SEPTIN14: variants seen among roughly 807,000 people sequenced by gnomAD.
SEPTIN14 encodes septin-14.
In SEPTIN14, 40 loss-of-function variants were observed where a neutral mutation model predicts 53.6. The observed-to-expected ratio is 0.75, with a 90% CI of 0.58 to 0.97. SEPTIN14 has a LOEUF of 0.97. Among genes scored for constraint, SEPTIN14 ranks in the 50% least tolerant of loss-of-function variants. SEPTIN14 has a pLI of 0.00. For synonymous variants in SEPTIN14, 138 were observed against 166.8 expected (o/e 0.83, Z 1.33); for missense variants, 471 against 508.2 (o/e 0.93, Z 0.70).
At position 55,802,257 on chromosome 7, in the gene SEPTIN14, G is replaced by A. The variant is rs1366334117; in HGVS notation, c.1119+3001C>T. On this transcript the variant is annotated intron_variant, in intron 9 of 9. Transcript: ENST00000388975. ...TGACCTGACGTGATCTGCCTGCCTC[G>A]GCCTCCCAGAGTGCTGGGATTACAG... Among the ~76,000 whole-genome samples the A allele has an allele frequency of 8.6e-5, 13 of 151,998 alleles. 1 individual carries two copies. The highest frequency in any genetic ancestry group is 4.8e-5 in the African/African-American group (2 of 41,392).
At chr7:55,827,369 C>T (rs1789007228) in intron 6 of SEPTIN14, among the ~76,000 whole-genome samples, 1 of 152,272 alleles carries the variant, frequency 6.6e-6, no homozygotes, top group East Asian at 1.9e-4. Flanking sequence ...TGTGAAGAGC[C>T]ACAAGACAGG....
At chr7:55,834,368 G>T in intron 6 of SEPTIN14, 57 bp downstream of exon 6, 1 of 1,326,344 alleles carries the variant, frequency 7.5e-7, no homozygotes, top group Non-Finnish European at 1.0e-6. Flanking sequence ...TCTCACACTG[G>T]ATTCTGGATA....
intron 2 of SEPTIN14, among the ~76,000 whole-genome samples, chr7:55,850,609 C>T (rs755839962): frequency 1.3e-5 from 2 of 152,086 alleles, no homozygotes; most frequent in Non-Finnish European, 2.9e-5. Flanking sequence ...AGTAAGTGTG[C>T]AAATAAATTT....
intron 6 of SEPTIN14, among the ~76,000 whole-genome samples, chr7:55,832,328 C>A (rs1328813945): frequency 6.6e-6 from 1 of 151,908 alleles, no homozygotes; most frequent in African/African-American, 2.4e-5. Context: ...ACCATAACAA[C>A]CTCTATGAAA....
chr7:55,811,216 G>T (rs969305130), intron 7 of SEPTIN14: 3 of 525,236 alleles, frequency 5.7e-6, no homozygotes, highest in Non-Finnish European at 1.2e-5. Flanking sequence ...TCATCTTTGC[G>T]CAGTGCCTTG....
chr7:55,825,242 CA>C (rs1202799409), intron 6 of SEPTIN14, among the ~76,000 whole-genome samples: 9 of 152,010 alleles, frequency 5.9e-5, no homozygotes, highest in African/African-American at 1.7e-4. Context: ...GAAGCCAATC[CA>C]AAAGTTCTAC....
chr7:55,860,689 A>G (rs1789728757), intron 2 of SEPTIN14, among the ~76,000 whole-genome samples: 1 of 152,172 alleles, frequency 6.6e-6, no homozygotes, highest in South Asian at 2.1e-4. Context: ...AATTTTTTAA[A>G]AAACAGAGGG....
chr7:55,806,754 C>T lies in SEPTIN14; in HGVS notation c.986+336G>A, dbSNP rs186476355. 2.4e-3 allele frequency among the ~76,000 whole-genome samples: 358 copies of T among 152,246 alleles called. 2 individuals carry two copies. Among genetic ancestry groups the T allele is most frequent in the Non-Finnish European group, 3.8e-3 (259 of 68,028 alleles). On this transcript the variant is annotated intron_variant, in intron 8 of 9. Coordinates refer to ENST00000388975, the MANE Select transcript of SEPTIN14 (RefSeq NM_207366.3). The stretch of plus-strand genomic sequence containing the variant: ...CTGGGATTACAGGCATGAGCCACAG[C>T]GCCCGGCCTATCCTTTCTTTCACAT...
intron 7 of SEPTIN14, among the ~76,000 whole-genome samples, chr7:55,816,113 A>G (rs755640933): frequency 6.6e-6 from 1 of 152,226 alleles, no homozygotes; most frequent in South Asian, 2.1e-4. Context: ...GACAAACTTC[A>G]CATATTCTCA....
At chr7:55,819,072 T>C in intron 7 of SEPTIN14, 55 bp downstream of exon 7, 1 of 947,736 alleles carries the variant, frequency 1.1e-6, no homozygotes, top group South Asian at 1.4e-5. Flanking sequence ...AGACTATGAG[T>C]GATACACATA....
chr7:55,857,649 A>G (rs1480353005), intron 2 of SEPTIN14, among the ~76,000 whole-genome samples: 1 of 119,546 alleles, frequency 8.4e-6, no homozygotes, highest in Non-Finnish European at 1.6e-5. Context: ...GTGCAGTGGC[A>G]CGATCTCGGC....
At chr7:55,835,799 A>G (rs1789195478) in intron 5 of SEPTIN14, among the ~76,000 whole-genome samples, 1 of 151,918 alleles carries the variant, frequency 6.6e-6, no homozygotes, top group Non-Finnish European at 1.5e-5. Context: ...CTGGAGTGCA[A>G]TGGCGCAATC....
At chr7:55,828,378 C>G (rs1417757942) in intron 6 of SEPTIN14, among the ~76,000 whole-genome samples, 1 of 149,662 alleles carries the variant, frequency 6.7e-6, no homozygotes, top group East Asian at 2.0e-4. Context: ...CATCTCAGCT[C>G]ACTGCAAGCT....
At position 55,834,557 on chromosome 7, in the gene SEPTIN14, TG is replaced by T; in HGVS notation, c.587del (p.Ala196GlufsTer16). ...GTAAATCATTTTTAGAAATAGTGTC[TG>T]CTTTGGCAATCAGTGGTATAATATT... Reference protein sequence around the residue: ...KVNIIPLIAKADTISKNDLQT... With the variant: ...KVNIIPLIAKXDTISKNDLQT... On this transcript the variant is annotated frameshift_variant, in exon 6 of 10. Coordinates refer to ENST00000388975, the MANE Select transcript of SEPTIN14 (RefSeq NM_207366.3). LOFTEE classifies it high-confidence loss of function. 6.2e-7 allele frequency: 1 copy of T among 1,610,622 alleles called. No individual in the cohort carries two copies. The highest frequency in any genetic ancestry group is 8.5e-7 in the Non-Finnish European group (1 of 1,177,520).
chr7:55,794,859 C>G lies in SEPTIN14; in HGVS notation c.*1054G>C, dbSNP rs946025657. 9 of 152,150 alleles carry G rather than the reference C, an allele frequency of 5.9e-5. No homozygotes were observed. Among genetic ancestry groups the G allele is most frequent in the Non-Finnish European group, 1.3e-4 (9 of 68,064 alleles). 9.4% of individuals were successfully genotyped at this position (152,150 alleles called of 1,614,324 possible). The stretch of plus-strand genomic sequence containing the variant: ...AGAGATGGGGTTTCGTCATGTTGGC[C>G]GGGCTGTTCTCAAGCTCCTGACCGC... On this transcript the variant is annotated 3_prime_UTR_variant, in exon 10 of 10. Transcript: ENST00000388975.
chr7:55,824,020 G>C lies in SEPTIN14; in HGVS notation c.721-4797C>G, dbSNP rs564849785. Among the ~76,000 whole-genome samples, 17 of 152,008 alleles carry C rather than the reference G, an allele frequency of 1.1e-4. No individual in the cohort carries two copies. In the South Asian group the frequency reaches 2.9e-3, roughly 26 times the overall value. On this transcript the variant is annotated intron_variant, in intron 6 of 9. Coordinates refer to ENST00000388975, the MANE Select transcript of SEPTIN14 (RefSeq NM_207366.3). ...CTTTTATGCCTGCACCACCAGGCCA[G>C]ATAGTCATCACTCCCTTGCAACAGA...
At chr7:55,819,010 T>C (rs1788843973) in intron 7 of SEPTIN14, 117 bp downstream of exon 7, 2 of 647,834 alleles carry the variant, frequency 3.1e-6, no homozygotes, top group Non-Finnish European at 5.5e-6. Context: ...AACTGTTAAC[T>C]TACAGATTAG....
At chr7:55,847,070 T>TA (rs1789428452) in intron 2 of SEPTIN14, among the ~76,000 whole-genome samples, 1 of 151,888 alleles carries the variant, frequency 6.6e-6, no homozygotes, top group African/African-American at 2.4e-5. Flanking sequence ...AATACAAAAT[T>TA]GGTGGTGCAT....
chr7:55,842,074 T>C (rs1248608641), intron 5 of SEPTIN14, among the ~76,000 whole-genome samples: 1 of 151,996 alleles, frequency 6.6e-6, no homozygotes, highest in Non-Finnish European at 1.5e-5. Context: ...TACTTACCAT[T>C]GTGTTATAAT....
Sources: gnomAD v4.1 joint callset for allele counts (sites outside exome capture counted in the v4.1 genomes callset) on GRCh38, gnomAD v4.1.1 for gene constraint, MANE v1.5 for transcripts, NCBI Gene and HGNC (gene_info 2026-07-23, HGNC 2026-07-21) for gene names.